ADGRV1: variants seen among roughly 807,000 people sequenced by gnomAD.
ADGRV1 encodes the protein G-protein coupled receptor 98.
Under a neutral mutation model 596.2 loss-of-function variants are expected in ADGRV1, and 359 were observed. The observed-to-expected ratio is 0.60, with a 90% CI of 0.55 to 0.66. The LOEUF (loss-of-function observed/expected upper bound fraction) is 0.66, where lower values mean the gene tolerates loss of function less well. Ranked by LOEUF, ADGRV1 falls within the 30% of genes least tolerant of loss-of-function variation. The pLI, the probability that ADGRV1 is intolerant of heterozygous loss-of-function variation, is 0.00. For missense variants in ADGRV1, 7,274 were observed against 7,575.6 expected (o/e 0.96, Z 1.48); for synonymous variants, 2,681 against 2,679.2 (o/e 1.00, Z -0.02).
At chr5:91,160,114 A>T (rs1796823428) in intron 89 of ADGRV1, among the ~76,000 whole-genome samples, 1 of 152,196 alleles carries the variant, frequency 6.6e-6, no homozygotes, top group African/African-American at 2.4e-5. Context: ...CCATATGGGA[A>T]ACCTAGAAAT....
intron 83 of ADGRV1, among the ~76,000 whole-genome samples, chr5:90,955,862 A>G (rs1354978006): frequency 1.3e-5 from 2 of 152,180 alleles, no homozygotes; most frequent in Non-Finnish European, 2.9e-5. Flanking sequence ...GTAAAATGGG[A>G]GGAATAACAA....
intron 85 of ADGRV1, among the ~76,000 whole-genome samples, chr5:91,038,744 C>A (rs1361783296): frequency 6.6e-6 from 1 of 152,074 alleles, no homozygotes; most frequent in Non-Finnish European, 1.5e-5. Flanking sequence ...TCTCCAGAGC[C>A]CTAAGAACTA....
intron 45 of ADGRV1, among the ~76,000 whole-genome samples, chr5:90,722,716 C>CAAAAAAAAAAAAAAAA (rs55761821): frequency 1.2e-4 from 4 of 32,900 alleles, no homozygotes; most frequent in African/African-American, 4.9e-4. Flanking sequence ...AACTCCGTCT[C>CAAAAAAAAAAAAAAAA]AAAAAAAAAA....
chr5:90,753,973 T>C, intron 54 of ADGRV1, 144 bp downstream of exon 54: 1 of 746,408 alleles, frequency 1.3e-6, no homozygotes, highest in Non-Finnish European at 2.0e-6. Context: ...TTGTTTATTG[T>C]TGTTAAATCT....
chr5:91,068,804 CAAA>C (rs199830652), intron 85 of ADGRV1, among the ~76,000 whole-genome samples: 7 of 147,772 alleles, frequency 4.7e-5, no homozygotes, highest in Non-Finnish European at 9.0e-5. Context: ...TCATATGAAA[CAAA>C]AAAAAAAAAA....
intron 89 of ADGRV1, among the ~76,000 whole-genome samples, chr5:91,163,054 T>C (rs933298656): frequency 6.6e-6 from 1 of 151,994 alleles, no homozygotes; most frequent in African/African-American, 2.4e-5. Flanking sequence ...TCTAGAAATA[T>C]GAAAGAAAAA....
At chr5:90,692,949 A>G (rs1006213967) in intron 32 of ADGRV1, among the ~76,000 whole-genome samples, 163 bp downstream of exon 32, 3 of 152,162 alleles carry the variant, frequency 2.0e-5, no homozygotes, top group Non-Finnish European at 4.4e-5. Flanking sequence ...GCTTATTAGT[A>G]TAAAGGGCCT....
chr5:90,976,734 T>G (rs1779648744), intron 84 of ADGRV1, among the ~76,000 whole-genome samples: 1 of 152,182 alleles, frequency 6.6e-6, no homozygotes, highest in Non-Finnish European at 1.5e-5. Context: ...TTTGGCCGAA[T>G]TTTATGATCA....
chr5:90,821,969 G>T (rs1342801974), intron 75 of ADGRV1: 8 of 159,108 alleles, frequency 5.0e-5, no homozygotes, highest in Non-Finnish European at 9.5e-5. Context: ...TGGCTGCTTT[G>T]TTTAAATAAG....
At chr5:91,017,616 C>G (rs929488352) in intron 85 of ADGRV1, among the ~76,000 whole-genome samples, 3 of 151,912 alleles carry the variant, frequency 2.0e-5, no homozygotes, top group African/African-American at 7.2e-5. Context: ...ATAAAAGCAT[C>G]AAGATGTAGA....
intron 86 of ADGRV1, among the ~76,000 whole-genome samples, chr5:91,099,440 C>T (rs1791172656): frequency 1.3e-5 from 2 of 152,122 alleles, no homozygotes; most frequent in African/African-American, 2.4e-5. Context: ...GCCTCGGTGT[C>T]AGAAGCCAAT....
chr5:91,019,311 A>G (rs1295920678), intron 85 of ADGRV1, among the ~76,000 whole-genome samples: 2 of 152,054 alleles, frequency 1.3e-5, no homozygotes, highest in South Asian at 2.1e-4. Flanking sequence ...CAGGTACACC[A>G]TAATTAGTAA....
At chr5:90,967,977 G>A (rs912674220) in intron 84 of ADGRV1, among the ~76,000 whole-genome samples, 2 of 152,158 alleles carry the variant, frequency 1.3e-5, no homozygotes, top group Admixed American at 1.3e-4. Context: ...TTGGGACATA[G>A]CAACCACTCT....
chr5:90,578,238 G>A (rs866351105), intron 1 of ADGRV1, among the ~76,000 whole-genome samples: 2 of 152,176 alleles, frequency 1.3e-5, no homozygotes, highest in South Asian at 2.1e-4. Flanking sequence ...GTATGATATT[G>A]GCTGTGGGTT....
At chr5:90,672,819 C>A in intron 22 of ADGRV1, 97 bp downstream of exon 22, 3 of 859,840 alleles carry the variant, frequency 3.5e-6, no homozygotes, top group South Asian at 4.2e-5. Flanking sequence ...ATTGAAGTGT[C>A]GCTTCCCATT....
At position 90,983,633 on chromosome 5, in the gene ADGRV1, G is replaced by T. The variant is rs974678862; in HGVS notation, c.17974-1711G>T. Among the ~76,000 whole-genome samples, 11 of 152,056 alleles carry T rather than the reference G, an allele frequency of 7.2e-5. No individual in the cohort carries two copies. The East Asian group carries it at 1.7e-3, about 24-fold the overall frequency. ...ACACTTTACACAACCCCGCTTATTT[G>T]AGTCCACATCCCTATATTAATTATA... On this transcript the variant is annotated intron_variant, in intron 84 of 89. Transcript: ENST00000405460.
chr5:90,737,938 G>T (rs1753461175), intron 50 of ADGRV1, among the ~76,000 whole-genome samples: 1 of 151,562 alleles, frequency 6.6e-6, no homozygotes, highest in Admixed American at 6.6e-5. Context: ...ATTATTAATA[G>T]GAGCAGACTT....
At chr5:90,856,731 G>A (rs1024561986) in intron 82 of ADGRV1, among the ~76,000 whole-genome samples, 30 of 152,244 alleles carry the variant, frequency 2.0e-4, no homozygotes, top group African/African-American at 7.2e-4. Context: ...TAATTATGCT[G>A]TTAGCTAGTT....
chr5:90,649,395 T>C (rs749201475), intron 17 of ADGRV1, among the ~76,000 whole-genome samples: 13 of 152,200 alleles, frequency 8.5e-5, no homozygotes, highest in Admixed American at 4.6e-4. Flanking sequence ...AATATCACTG[T>C]GGTTAAGCTG....
Sources: gnomAD v4.1 joint callset for allele counts (sites outside exome capture counted in the v4.1 genomes callset) on GRCh38, gnomAD v4.1.1 for gene constraint, MANE v1.5 for transcripts, NCBI Gene and HGNC (gene_info 2026-07-23, HGNC 2026-07-21) for gene names.